ELMO1: variants seen among roughly 807,000 people sequenced by gnomAD.
The protein encoded by ELMO1 is engulfment and cell motility protein 1.
Under a neutral mutation model 98.9 loss-of-function variants are expected in ELMO1, and 26 were observed. That is an observed-to-expected ratio of 0.26 (90% CI 0.19 to 0.36). The LOEUF (loss-of-function observed/expected upper bound fraction) is 0.36. Ranked by LOEUF, ELMO1 falls within the 10% of genes least tolerant of loss-of-function variation. The pLI is 1.00. For synonymous variants in ELMO1, 346 were observed against 346.0 expected, an observed-to-expected ratio of 1.00 and a Z score of 0.00; for missense variants, 627 against 935.2, an observed-to-expected ratio of 0.67 and a Z score of 4.30.
At chr7:37,080,483 G>A (rs958814492) in intron 15 of ELMO1, among the ~76,000 whole-genome samples, 3 of 150,026 alleles carry the variant, frequency 2.0e-5, no homozygotes, top group Admixed American at 6.6e-5. Context: ...TGTCACCCAG[G>A]CTGGAGTGCA....
intron 16 of ELMO1, among the ~76,000 whole-genome samples, chr7:36,955,642 A>G (rs966761864): frequency 1.8e-4 from 28 of 152,208 alleles, no homozygotes; most frequent in African/African-American, 6.0e-4. Flanking sequence ...GTAGGGTGCC[A>G]GGAAACTCAG....
In ELMO1 at chr7:36,995,423, G is replaced by T. The variant is rs12669640; in HGVS notation, c.1437+17876C>A. Among the ~76,000 whole-genome samples, 8 of 151,792 alleles carry T rather than the reference G, an allele frequency of 5.3e-5. No homozygotes were observed. The East Asian group carries it at 1.6e-3, about 30-fold the overall frequency. On this transcript the variant is annotated intron_variant, in intron 16 of 21. Coordinates refer to ENST00000310758, the MANE Select transcript of ELMO1 (RefSeq NM_014800.11). ...CTTGGGAGGCTGAGGCAGGAGAATC[G>T]CTTGAACCCAGGATGTGGAGGTTGC...
intron 16 of ELMO1, among the ~76,000 whole-genome samples, chr7:36,963,251 G>A (rs904988445): frequency 2.6e-5 from 4 of 152,100 alleles, no homozygotes; most frequent in African/African-American, 7.2e-5. Context: ...GGTGCCGTGC[G>A]CCTGTACTCC....
intron 2 of ELMO1, among the ~76,000 whole-genome samples, chr7:37,320,686 T>G (rs1583540730): frequency 1.3e-5 from 2 of 152,320 alleles, no homozygotes; most frequent in East Asian, 3.9e-4. Flanking sequence ...GCATCTTAGT[T>G]CATTTCTGTA....
rs142762119 is a variant in ELMO1 at position 37,254,333 on chromosome 7, C to A, written c.413+4848G>T. The stretch of plus-strand genomic sequence containing the variant: ...TTCACCCAACACCTGGCCTTAAGCT[C>A]TGTTTATCTGTCTGAAACCTGGCTG... On this transcript the variant is annotated intron_variant, in intron 6 of 21. Transcript: ENST00000310758. 2.0e-5 allele frequency among the ~76,000 whole-genome samples: 3 copies of A among 152,340 alleles called. No homozygotes were observed. In the East Asian group the frequency reaches 5.8e-4, roughly 29 times the overall value.
intron 4 of ELMO1, among the ~76,000 whole-genome samples, chr7:37,285,185 C>T (rs148629553): frequency 2.6e-5 from 4 of 152,334 alleles, no homozygotes; most frequent in Admixed American, 6.5e-5. Flanking sequence ...CTCTGGGGGA[C>T]GAGCAATGCC....
intron 16 of ELMO1, among the ~76,000 whole-genome samples, chr7:36,920,917 G>A (rs761052855): frequency 5.3e-5 from 8 of 152,158 alleles, no homozygotes; most frequent in Non-Finnish European, 1.0e-4. Flanking sequence ...AAATTCATAT[G>A]CTGAAATATA....
At chr7:37,329,951 T>C (rs145013700) in intron 2 of ELMO1, among the ~76,000 whole-genome samples, 196 of 152,328 alleles carry the variant, frequency 1.3e-3, no homozygotes, top group Middle Eastern at 6.8e-3. Flanking sequence ...TTTTCCATTT[T>C]GCCCTCAAAA....
In ELMO1 at chr7:37,259,407, C is replaced by G; in HGVS notation, c.244-57G>C. ...GACAAACGAAACCACAACAGCAAAA[C>G]AGATTTATGTTTCAATGAGGAACAG... On this transcript the variant is annotated intron_variant, in intron 5 of 21. Coordinates refer to ENST00000310758, the MANE Select transcript of ELMO1 (RefSeq NM_014800.11). 3 of 1,568,964 alleles carry G rather than the reference C, an allele frequency of 1.9e-6. No homozygotes were observed. The African/African-American group carries it at 4.1e-5, about 21-fold the overall frequency.
At chr7:37,395,777 A>G (rs1442540801) in intron 1 of ELMO1, among the ~76,000 whole-genome samples, 1 of 152,196 alleles carries the variant, frequency 6.6e-6, no homozygotes, top group Admixed American at 6.5e-5. Context: ...ACTTCTCTAT[A>G]TACTCACTGT....
rs560027323 is a variant in ELMO1, at chr7:37,265,220, G to A, written c.244-5870C>T. On this transcript the variant is annotated intron_variant, in intron 5 of 21. Transcript: ENST00000310758. ...TTCCTCCTGATAGATGCTGTGTGGC[G>A]GGGACCCTGTTTCCTATCAGAAGTC... Among the ~76,000 whole-genome samples, 8 of 152,140 alleles carry A rather than the reference G, an allele frequency of 5.3e-5. No homozygotes were observed. In the South Asian group the frequency reaches 6.2e-4, roughly 12 times the overall value.
chr7:37,213,414 T>C lies in ELMO1; in HGVS notation c.875A>G (p.His292Arg). The change falls in exon 12 of 22, where the codon CAC becomes CGC. Residue 292 changes from histidine to arginine, a missense_variant. Physicochemically the swap from His to Arg is conservative, Grantham distance 29. Around this residue, in one of 3 missense-constraint regions of ELMO1, gnomAD observed 492 missense variants for 715.6 expected, o/e 0.69. Coordinates refer to ENST00000310758, the MANE Select transcript of ELMO1 (RefSeq NM_014800.11). ...GAGCACTTGTAGAACATACAGCTGGTGCGCCATCTCATTGTTGATGGCCCG... is the reference window on the plus strand; with the variant it reads ...GAGCACTTGTAGAACATACAGCTGGCGCGCCATCTCATTGTTGATGGCCCG... ...AQRAINNEMA[H>R]QLYVLQVLTF... is the part of the protein sequence containing the mutation. The C allele has an allele frequency of 6.2e-7, 1 of 1,612,596 alleles. No individual in the cohort carries two copies. The highest frequency in any genetic ancestry group is 8.5e-7 in the Non-Finnish European group (1 of 1,179,784).
At chr7:37,434,646 T>C (rs894210674) in intron 1 of ELMO1, among the ~76,000 whole-genome samples, 6 of 152,202 alleles carry the variant, frequency 3.9e-5, no homozygotes, top group South Asian at 4.1e-4. Context: ...CACTTCCCTT[T>C]GCCCTTTTGA....
chr7:37,322,211 C>T (rs913492358), intron 2 of ELMO1, among the ~76,000 whole-genome samples: 1 of 151,942 alleles, frequency 6.6e-6, no homozygotes, highest in African/African-American at 2.4e-5. Context: ...GACGTGGTGG[C>T]CCATGCCTGT....
intron 16 of ELMO1, among the ~76,000 whole-genome samples, chr7:36,929,823 C>T (rs928940343): frequency 6.6e-6 from 1 of 152,306 alleles, no homozygotes; most frequent in East Asian, 1.9e-4. Context: ...AGTGAGTCCC[C>T]TGGAAACAAG....
chr7:37,280,749 G>A (rs905604885), intron 4 of ELMO1, among the ~76,000 whole-genome samples: 6 of 152,112 alleles, frequency 3.9e-5, no homozygotes, highest in South Asian at 2.1e-4. Flanking sequence ...CTACACTTCC[G>A]GTGGGAACGT....
intron 15 of ELMO1, among the ~76,000 whole-genome samples, chr7:37,033,778 G>T (rs933896954): frequency 2.6e-5 from 4 of 152,164 alleles, no homozygotes; most frequent in Non-Finnish European, 5.9e-5. Context: ...CTAAAGAACT[G>T]CGAAGAGATG....
intron 16 of ELMO1, among the ~76,000 whole-genome samples, chr7:36,935,205 AG>A (rs999707339): frequency 6.6e-6 from 1 of 152,124 alleles, no homozygotes; most frequent in East Asian, 1.9e-4. Flanking sequence ...TGGTTTTATA[AG>A]GGGAAACCCC....
intron 20 of ELMO1, among the ~76,000 whole-genome samples, chr7:36,868,270 T>C (rs910282280): frequency 6.6e-6 from 1 of 152,204 alleles, no homozygotes; most frequent in Non-Finnish European, 1.5e-5. Context: ...ATGGTTTGCC[T>C]GCAACCTCAG....
Sources: allele counts gnomAD v4.1 joint callset (sites outside exome capture counted in the v4.1 genomes callset), GRCh38; gene constraint gnomAD v4.1.1; regional missense constraint gnomAD v4.1.1; transcripts MANE v1.5; gene names NCBI Gene and HGNC (gene_info 2026-07-23, HGNC 2026-07-21).